ST6GAL1: variants seen among roughly 807,000 people sequenced by gnomAD.
The protein encoded by ST6GAL1 is beta-galactoside alpha-2,6-sialyltransferase 1.
Under a neutral mutation model 38.0 loss-of-function variants are expected in ST6GAL1, and 20 were observed. The observed-to-expected ratio is 0.53, with a 90% CI of 0.37 to 0.77. The LOEUF is 0.77. Ranked by LOEUF, ST6GAL1 falls within the 30% of genes least tolerant of loss-of-function variation. The pLI, the probability that ST6GAL1 is intolerant of heterozygous loss-of-function variation, is 0.00. For missense variants in ST6GAL1, 432 were observed against 496.4 expected, an observed-to-expected ratio of 0.87 and a Z score of 1.23; for synonymous variants, 196 against 188.2, an observed-to-expected ratio of 1.04 and a Z score of -0.34.
Position 186,989,654 on chromosome 3 carries a change from G to T in ST6GAL1, c.-183+25728G>T, listed in dbSNP as rs541558463. Among the ~76,000 whole-genome samples the T allele has an allele frequency of 2.6e-5, 4 of 152,352 alleles. No homozygotes were observed. In the East Asian group the frequency reaches 7.7e-4, roughly 29 times the overall value. On this transcript the variant is annotated intron_variant, in intron 2 of 7. Coordinates refer to ENST00000169298, the MANE Select transcript of ST6GAL1 (RefSeq NM_173216.2). ...GAGCTGGCAGAAAGCTTGAGCTTTGGATGCAAAGCTAATGATTAAAAGCTT... is the reference window on the plus strand; with the variant it reads ...GAGCTGGCAGAAAGCTTGAGCTTTGTATGCAAAGCTAATGATTAAAAGCTT...
chr3:186,993,934 T>C (rs1716270377), intron 2 of ST6GAL1, among the ~76,000 whole-genome samples: 1 of 152,082 alleles, frequency 6.6e-6, no homozygotes, highest in Non-Finnish European at 1.5e-5. Context: ...AATTGAATGG[T>C]GGGCTCTCTG....
intron 2 of ST6GAL1, among the ~76,000 whole-genome samples, chr3:187,012,625 A>C (rs1275620356): frequency 6.6e-6 from 1 of 152,198 alleles, no homozygotes; most frequent in Non-Finnish European, 1.5e-5. Context: ...GAGGCCAGAA[A>C]ACCCCACCAC....
chr3:187,020,404 AAG>A (rs1186766392), intron 2 of ST6GAL1, among the ~76,000 whole-genome samples: 1 of 152,248 alleles, frequency 6.6e-6, no homozygotes, highest in South Asian at 2.1e-4. Flanking sequence ...TTATTTAAAA[AAG>A]AGGATTGTTA....
intron 1 of ST6GAL1, among the ~76,000 whole-genome samples, chr3:186,961,303 T>G (rs1714928674): frequency 6.6e-6 from 1 of 152,172 alleles, no homozygotes; most frequent in South Asian, 2.1e-4. Context: ...GCATGGCATT[T>G]GCTTGTCATG....
intron 2 of ST6GAL1, among the ~76,000 whole-genome samples, chr3:186,984,569 G>A (rs563732199): frequency 6.6e-6 from 1 of 151,876 alleles, no homozygotes; most frequent in Admixed American, 6.6e-5. Context: ...CCGCAAACAC[G>A]CTTCCCCAGA....
intron 2 of ST6GAL1, among the ~76,000 whole-genome samples, chr3:186,970,855 G>T (rs145491481): frequency 2.0e-5 from 3 of 152,336 alleles, no homozygotes; most frequent in African/African-American, 7.2e-5. Flanking sequence ...AAGTTAAGCT[G>T]CTATGAACAA....
rs936184573 is a variant in ST6GAL1 at position 186,952,945 on chromosome 3, T to C, written c.-324-10840T>C. Among the ~76,000 whole-genome samples, 2 of 152,172 alleles carry C rather than the reference T, an allele frequency of 1.3e-5. No individual in the cohort carries two copies. Among genetic ancestry groups the C allele is most frequent in the Non-Finnish European group, 2.9e-5 (2 of 68,026 alleles). Reference sequence around the variant, plus strand: ...TTTTAGGGCTTAAACTCTGGAGTCATTCTAAATTCTCTTTCTCTCATGCTG... The same window carrying C: ...TTTTAGGGCTTAAACTCTGGAGTCACTCTAAATTCTCTTTCTCTCATGCTG... On this transcript the variant is annotated intron_variant, in intron 1 of 7. Transcript: ENST00000169298. This position sits in a 1 kb window ranked among gnomAD's most constrained non-coding sequence, Gnocchi z 4.1.
chr3:187,024,463 C>T (rs199784737), intron 2 of ST6GAL1, among the ~76,000 whole-genome samples: 3 of 130,234 alleles, frequency 2.3e-5, no homozygotes, highest in African/African-American at 5.9e-5. Flanking sequence ...CATATATACA[C>T]ATATATATGT....
At chr3:186,953,370 AGCCTTTCCACT>A (rs1451930672) in intron 1 of ST6GAL1, among the ~76,000 whole-genome samples, 1 of 152,156 alleles carries the variant, frequency 6.6e-6, no homozygotes, top group Non-Finnish European at 1.5e-5. Flanking sequence ...TTGGTCTCAG[AGCCTTTCCACT>A]GCTTCCTCCA....
intron 2 of ST6GAL1, among the ~76,000 whole-genome samples, chr3:187,019,150 CG>C (rs1469428192): frequency 6.6e-6 from 1 of 151,986 alleles, no homozygotes; most frequent in Admixed American, 6.6e-5. Context: ...GGAATCGTGT[CG>C]GGGGAAACAA....
chr3:186,998,793 C>T (rs1455951467), intron 2 of ST6GAL1, among the ~76,000 whole-genome samples: 3 of 152,190 alleles, frequency 2.0e-5, no homozygotes, highest in Admixed American at 6.5e-5. Context: ...ACTTACAGCA[C>T]GTCTCATCTG....
intron 4 of ST6GAL1, among the ~76,000 whole-genome samples, chr3:187,050,179 A>G (rs1327764421): frequency 3.3e-5 from 5 of 152,164 alleles, no homozygotes; most frequent in African/African-American, 1.2e-4. Flanking sequence ...CACTTCCCCA[A>G]ATCCTGTGTG....
At chr3:186,957,133 G>A (rs1714772305) in intron 1 of ST6GAL1, among the ~76,000 whole-genome samples, 1 of 152,142 alleles carries the variant, frequency 6.6e-6, no homozygotes, top group African/African-American at 2.4e-5. Context: ...ACAGAACCTT[G>A]CAGAAAGTCA....
At chr3:187,030,279 G>T (rs1717698568) in intron 2 of ST6GAL1, among the ~76,000 whole-genome samples, 1 of 152,180 alleles carries the variant, frequency 6.6e-6, no homozygotes, top group Non-Finnish European at 1.5e-5. Flanking sequence ...GACATGCATT[G>T]ATGCATGTGA....
chr3:186,985,466 C>T (rs1281991337), intron 2 of ST6GAL1, among the ~76,000 whole-genome samples: 2 of 151,342 alleles, frequency 1.3e-5, no homozygotes, highest in African/African-American at 4.9e-5. Flanking sequence ...AGCTTTTGTG[C>T]AGGTCTCTAA....
chr3:187,017,495 G>A (rs549973471), intron 2 of ST6GAL1, among the ~76,000 whole-genome samples: 16 of 152,208 alleles, frequency 1.1e-4, no homozygotes, highest in African/African-American at 3.4e-4. Flanking sequence ...GGAGGGCAGG[G>A]GAGGGTTACA....
intron 2 of ST6GAL1, among the ~76,000 whole-genome samples, chr3:186,969,161 C>T (rs533338986): frequency 1.3e-5 from 2 of 150,128 alleles, no homozygotes; most frequent in Admixed American, 1.3e-4. Context: ...AAGCGATTCT[C>T]CTGCCTCAGC....
chr3:187,017,578 T>C (rs1252216439), intron 2 of ST6GAL1, among the ~76,000 whole-genome samples: 1 of 152,146 alleles, frequency 6.6e-6, no homozygotes, highest in Admixed American at 6.5e-5. Context: ...CCCTTTTTCT[T>C]TGTAGGGGGT....
intron 1 of ST6GAL1, among the ~76,000 whole-genome samples, chr3:186,950,960 C>T (rs1362702704): frequency 6.6e-6 from 1 of 152,206 alleles, no homozygotes; most frequent in Non-Finnish European, 1.5e-5. Flanking sequence ...ACAAGTATCT[C>T]ATTTAGCCCT....
Sources: gnomAD v4.1 joint callset for allele counts (sites outside exome capture counted in the v4.1 genomes callset) on GRCh38, gnomAD v4.1.1 for gene constraint, Gnocchi (gnomAD v3.1) non-coding constraint, MANE v1.5 for transcripts, NCBI Gene and HGNC (gene_info 2026-07-23, HGNC 2026-07-21) for gene names.